Variants in BTBD3 observed in about 807,000 individuals in gnomAD.
BTBD3 encodes BTB domain containing 3, also known as BTB/POZ domain-containing protein 3.
A neutral mutation model predicts 41.6 loss-of-function variants in BTBD3; 14 were observed. That is an observed-to-expected ratio of 0.34 (90% CI 0.22 to 0.53). The LOEUF is 0.53. Among genes scored for constraint, BTBD3 ranks in the 20% least tolerant of loss-of-function variants. The pLI is 0.95. For synonymous variants in BTBD3, 249 were observed against 233.7 expected (o/e 1.07, Z -0.60); for missense variants, 426 against 654.7 (o/e 0.65, Z 3.81).
intron 2 of BTBD3, 133 bp downstream of exon 2, chr20:11,919,309 C>T (rs948553124): frequency 8.9e-6 from 12 of 1,341,366 alleles, no homozygotes; most frequent in South Asian, 1.6e-5. Context: ...GGAGAGAGCG[C>T]ACCCTCTCCA....
rs2056951265 is a variant in BTBD3 at position 11,919,808 on chromosome 20, G to A, written c.508G>A (p.Glu170Lys). 1.4e-5 allele frequency: 23 copies of A among 1,614,098 alleles called. No individual in the cohort carries two copies. Among genetic ancestry groups the A allele is most frequent in the Non-Finnish European group, 1.8e-5 (21 of 1,179,978 alleles). Residue 170 changes from glutamate (E) to lysine (K), a missense_variant, in exon 3 of 4, where the codon GAA (glutamate) becomes AAA (lysine). Transcript: ENST00000378226. ...AGATGAAATCCGTATACCAGATGTC[G>A]AACCTGCTGCTTTTCTCGCTATGCT... ...DKDEIRIPDVEPAAFLAMLKY... is the reference protein window; with the variant it reads ...DKDEIRIPDVKPAAFLAMLKY...
At position 11,926,236 on chromosome 20, in the gene BTBD3, G is replaced by A. The variant is rs1339264531; in HGVS notation, c.*2570G>A. On this transcript the variant is annotated 3_prime_UTR_variant, in exon 4 of 4. Coordinates refer to ENST00000378226, the MANE Select transcript of BTBD3 (RefSeq NM_014962.4). ...ACGTATCTGGCTGGCAGTCTTTGTC[G>A]TTGTTCATTCTGGGGATAAAGGGGA... 3 of 152,586 alleles carry A rather than the reference G, an allele frequency of 2.0e-5. No individual in the cohort carries two copies. Among genetic ancestry groups the A allele is most frequent in the Non-Finnish European group, 2.9e-5 (2 of 68,024 alleles). The allele number at this position is 152,586 out of a possible 1,614,324, so 9.5% of individuals were successfully genotyped here.
chr20:11,923,600 C>T lies in BTBD3; in HGVS notation c.1503C>T (p.Ser501=). The change falls in exon 4 of 4, where the codon TCC becomes TCT. Residue 501 remains serine, a synonymous_variant. Transcript: ENST00000378226. This position sits in a 1 kb window ranked among gnomAD's most constrained non-coding sequence, Gnocchi z 5.3. ...AAGTGACTGTCCAGTTTCAGTGCTCCTCAGATAGCACCAATGGCACTGGGG... is the reference window on the plus strand; with the variant it reads ...AAGTGACTGTCCAGTTTCAGTGCTCTTCAGATAGCACCAATGGCACTGGGG... ...CGKVTVQFQC[S]SDSTNGTGVQ... 1 of 1,614,018 alleles carries T rather than the reference C, an allele frequency of 6.2e-7. No homozygotes were observed. The highest frequency in any genetic ancestry group is 2.2e-5 in the East Asian group (1 of 44,874).
At chr20:11,890,853 C>T in exon 1 of BTBD3, 2 of 985,206 alleles carry the variant, frequency 2.0e-6, no homozygotes, top group Non-Finnish European at 2.4e-6. Flanking sequence ...GCCGAGCCCG[C>T]CGGGCGCTGG....
intron 1 of BTBD3, chr20:11,890,993 C>A (rs1317280602): frequency 1.0e-6 from 1 of 980,770 alleles, no homozygotes. Context: ...TCGGCGCCTC[C>A]GCGCGTGCGC....
chr20:11,909,746 G>A (rs2056878222), intron 1 of BTBD3: 1 of 152,090 alleles, frequency 6.6e-6, no homozygotes, highest in African/African-American at 2.4e-5. Flanking sequence ...ATTGTAACTG[G>A]TCTTTTCTAT....
intron 3 of BTBD3, among the ~76,000 whole-genome samples, chr20:11,920,327 G>T (rs2056958625): frequency 6.6e-6 from 1 of 152,104 alleles, no homozygotes; most frequent in African/African-American, 2.4e-5. Flanking sequence ...TCTGATCTTT[G>T]TGTACACATA....
chr20:11,891,766 G>A (rs1437225487), intron 1 of BTBD3, among the ~76,000 whole-genome samples: 2 of 152,148 alleles, frequency 1.3e-5, no homozygotes, highest in Admixed American at 1.3e-4. Flanking sequence ...CCATTGTCCT[G>A]TGTGTGCCTG....
intron 1 of BTBD3, among the ~76,000 whole-genome samples, chr20:11,904,701 G>A (rs528650271): frequency 2.6e-5 from 4 of 152,082 alleles, no homozygotes; most frequent in Non-Finnish European, 5.9e-5. Flanking sequence ...TTTCATTGAA[G>A]CATATGAAGA....
intron 1 of BTBD3, chr20:11,891,043 C>T (rs1461719465): frequency 2.2e-6 from 2 of 900,786 alleles, no homozygotes; most frequent in African/African-American, 1.8e-5. Context: ...GCCCTGCGGC[C>T]GGCCGGAGGG....
At chr20:11,904,658 T>G (rs1389880584) in intron 1 of BTBD3, among the ~76,000 whole-genome samples, 6 of 152,208 alleles carry the variant, frequency 3.9e-5, no homozygotes, top group African/African-American at 1.4e-4. Context: ...TGTCAAAATT[T>G]AAAAAATTAA....
Position 11,908,498 on chromosome 20 carries a change from A to G in BTBD3, c.-125-9836A>G, listed in dbSNP as rs536294247. Reference sequence around the variant, plus strand: ...ACTGGAGAAACTCAAATTTAAGAACATGTTTTCATGAATAGTCCCCACTTT... The same window carrying G: ...ACTGGAGAAACTCAAATTTAAGAACGTGTTTTCATGAATAGTCCCCACTTT... On this transcript the variant is annotated intron_variant, in intron 1 of 4. Coordinates refer to the BTBD3 transcript ENST00000254977. 2.8e-4 allele frequency among the ~76,000 whole-genome samples: 42 copies of G among 152,020 alleles called. No homozygotes were observed. The South Asian group carries it at 6.2e-3, about 23-fold the overall frequency.
chr20:11,923,872 A>G lies in BTBD3; in HGVS notation c.*206A>G. 1 of 548,780 alleles carries G rather than the reference A, an allele frequency of 1.8e-6. No individual in the cohort carries two copies. Among genetic ancestry groups the G allele is most frequent in the Non-Finnish European group, 3.2e-6 (1 of 316,774 alleles). The allele number at this position is 548,780 out of a possible 1,614,324, so 34.0% of individuals were successfully genotyped here. Reference sequence around the variant, plus strand: ...TTTTAACTATCTGCTTAAAAGAGCTAACGTTCTTATTAAGGCTTTGTGGTT... The same window carrying G: ...TTTTAACTATCTGCTTAAAAGAGCTGACGTTCTTATTAAGGCTTTGTGGTT... On this transcript the variant is annotated 3_prime_UTR_variant, in exon 4 of 4. Transcript: ENST00000378226. The surrounding 1 kb of genome is among the most constrained non-coding windows in gnomAD (Gnocchi z 5.3).
At chr20:11,919,674 G>T in intron 2 of BTBD3, 44 bp from the exon 3 acceptor site, 1 of 1,557,928 alleles carries the variant, frequency 6.4e-7, no homozygotes, top group Non-Finnish European at 8.9e-7. Flanking sequence ...TGCTGGAAAT[G>T]CCTTCAATTT....
chr20:11,897,035 G>C (rs2056791152), intron 1 of BTBD3, among the ~76,000 whole-genome samples: 1 of 152,006 alleles, frequency 6.6e-6, no homozygotes, highest in Non-Finnish European at 1.5e-5. Flanking sequence ...TTTGATTCTT[G>C]AGGACACCAC....
At position 11,903,816 on chromosome 20, in the gene BTBD3, C is replaced by T. The variant is rs371845181; in HGVS notation, c.-126+12862C>T. ...AGAGACAGCGTTTCGTCATATTGGC[C>T]AGGCTGGTTTCAAACTCCTGACCTC... is the stretch of plus-strand genomic sequence containing the variant. On this transcript the variant is annotated intron_variant, in intron 1 of 4. Transcript: ENST00000254977. Among the ~76,000 whole-genome samples the T allele has an allele frequency of 9.9e-5, 15 of 152,264 alleles. No homozygotes were observed. The East Asian group carries it at 2.7e-3, about 27-fold the overall frequency.
intron 1 of BTBD3, among the ~76,000 whole-genome samples, chr20:11,900,463 T>C (rs2056816826): frequency 6.6e-6 from 1 of 152,132 alleles, no homozygotes; most frequent in Non-Finnish European, 1.5e-5. Flanking sequence ...TTTGTGAGAG[T>C]TTTTGTCTTT....
intron 1 of BTBD3, chr20:11,891,055 C>G: frequency 1.2e-6 from 1 of 841,800 alleles, no homozygotes; most frequent in Non-Finnish European, 1.4e-6. Context: ...GCCGGAGGGG[C>G]CGAGCGAAGC....
chr20:11,903,974 T>G (rs777754503), intron 1 of BTBD3, among the ~76,000 whole-genome samples: 7 of 152,076 alleles, frequency 4.6e-5, no homozygotes, highest in Non-Finnish European at 7.3e-5. Context: ...TATTTTGGAG[T>G]GAATGGTTGA....
Sources: allele counts gnomAD v4.1 joint callset (sites outside exome capture counted in the v4.1 genomes callset), GRCh38; gene constraint gnomAD v4.1.1; non-coding constraint Gnocchi (gnomAD v3.1); transcripts MANE v1.5; gene names NCBI Gene and HGNC (gene_info 2026-07-23, HGNC 2026-07-21).